Variants in XYLT1 observed in about 807,000 individuals in gnomAD.
XYLT1 encodes xylosyltransferase 1.
XYLT1 carries 36 observed loss-of-function variants against 91.3 expected under a neutral mutation model. The ratio of observed to expected loss-of-function variants is 0.39; its 90% CI spans 0.30 to 0.52. The LOEUF is 0.52. Among genes scored for constraint, XYLT1 ranks in the 20% least tolerant of loss-of-function variants. The pLI is 0.68. For missense variants in XYLT1, 1,242 were observed against 1,284.5 expected (o/e 0.97, Z 0.51); for synonymous variants, 588 against 532.0 (o/e 1.11, Z -1.45).
intron 5 of XYLT1, among the ~76,000 whole-genome samples, chr16:17,171,030 T>A (rs2031809303): frequency 6.6e-6 from 1 of 152,212 alleles, no homozygotes; most frequent in South Asian, 2.1e-4. Flanking sequence ...AATAATCTGT[T>A]GCTTGCAACT....
At chr16:17,112,900 C>T (rs1966845042) in intron 11 of XYLT1, among the ~76,000 whole-genome samples, 1 of 151,990 alleles carries the variant, frequency 6.6e-6, no homozygotes, top group Non-Finnish European at 1.5e-5. Context: ...AGTGCAATGG[C>T]ATGATCTCAG....
chr16:17,312,371 C>T lies in XYLT1; in HGVS notation c.402+45641G>A, dbSNP rs1254497267. ...GGACTCAATGAAACATCCCTGAAATCCTCATGATCATCAGGGCTGGCATTC... is the reference window on the plus strand; with the variant it reads ...GGACTCAATGAAACATCCCTGAAATTCTCATGATCATCAGGGCTGGCATTC... On this transcript the variant is annotated intron_variant, in intron 2 of 11. Transcript: ENST00000261381. The surrounding 1 kb of genome is among the most constrained non-coding windows in gnomAD (Gnocchi z 4.4). 2.6e-5 allele frequency among the ~76,000 whole-genome samples: 4 copies of T among 152,130 alleles called. No homozygotes were observed. The highest frequency in any genetic ancestry group is 5.9e-5 in the Non-Finnish European group (4 of 68,030).
At chr16:17,231,931 A>G (rs2033162315) in intron 3 of XYLT1, among the ~76,000 whole-genome samples, 1 of 151,794 alleles carries the variant, frequency 6.6e-6, no homozygotes, top group Non-Finnish European at 1.5e-5. Flanking sequence ...CTGTACACTT[A>G]GGCCACACTC....
chr16:17,354,745 G>C (rs914894950), intron 2 of XYLT1: 1 of 152,208 alleles, frequency 6.6e-6, no homozygotes, highest in Non-Finnish European at 1.5e-5. Context: ...CTGCCATCTT[G>C]TTCATGGCAT....
chr16:17,329,434 A>G (rs1336914620), intron 2 of XYLT1, among the ~76,000 whole-genome samples: 1 of 152,250 alleles, frequency 6.6e-6, no homozygotes, highest in Non-Finnish European at 1.5e-5. Flanking sequence ...CCTTATGCCA[A>G]TAGTAAATCT....
At chr16:17,231,443 C>G (rs1293112567) in intron 3 of XYLT1, among the ~76,000 whole-genome samples, 1 of 152,164 alleles carries the variant, frequency 6.6e-6, no homozygotes, top group Non-Finnish European at 1.5e-5. Context: ...GCAGCCACAT[C>G]AGTTGAGCTG....
intron 1 of XYLT1, among the ~76,000 whole-genome samples, chr16:17,430,789 T>C (rs1424464442): frequency 1.3e-5 from 2 of 152,170 alleles, no homozygotes; most frequent in Non-Finnish European, 2.9e-5. Flanking sequence ...ACCTCAGGGA[T>C]CCTCAAAACC....
At position 17,385,493 on chromosome 16, in the gene XYLT1, C is replaced by T. The variant is rs114164494; in HGVS notation, c.364-27443G>A. Reference sequence around the variant, plus strand: ...ACCTCACATAGCCCTTGGCACCCAACGAGCCCTTCCTGAAAATTTGCAAAT... The same window carrying T: ...ACCTCACATAGCCCTTGGCACCCAATGAGCCCTTCCTGAAAATTTGCAAAT... On this transcript the variant is annotated intron_variant, in intron 1 of 11. Transcript: ENST00000261381. 5.6e-3 allele frequency among the ~76,000 whole-genome samples: 857 copies of T among 151,970 alleles called. 9 individuals are homozygous for T. The highest frequency in any genetic ancestry group is 0.019 in the African/African-American group (778 of 41,550).
At chr16:17,370,672 T>C (rs2141874216) in intron 1 of XYLT1, among the ~76,000 whole-genome samples, 1 of 152,290 alleles carries the variant, frequency 6.6e-6, no homozygotes, top group South Asian at 2.1e-4. Context: ...CTACAAGCAG[T>C]ATTCAGCTCA....
chr16:17,253,802 G>A (rs1459957262), intron 3 of XYLT1, among the ~76,000 whole-genome samples: 1 of 147,576 alleles, frequency 6.8e-6, no homozygotes. Flanking sequence ...ATAATGCCCT[G>A]CCTTCTTCTC....
At chr16:17,165,614 C>T (rs939689189) in intron 5 of XYLT1, among the ~76,000 whole-genome samples, 5 of 152,128 alleles carry the variant, frequency 3.3e-5, no homozygotes, top group African/African-American at 1.2e-4. Context: ...ATTGCTTGAA[C>T]CTGGGAGGCG....
At chr16:17,357,172 C>CA (rs1168668915) in intron 2 of XYLT1, among the ~76,000 whole-genome samples, 4,013 of 41,560 alleles carry the variant, frequency 0.097, 1,349 homozygotes, top group Admixed American at 0.11. Context: ...GACTCGGTCT[C>CA]AAAAAAAAAA....
intron 2 of XYLT1, among the ~76,000 whole-genome samples, chr16:17,333,106 G>GA (rs1266423457): frequency 1.7e-4 from 25 of 151,422 alleles, no homozygotes; most frequent in African/African-American, 1.9e-4. Flanking sequence ...ATTTAAAATG[G>GA]AAAAAAAACT....
At chr16:17,425,558 C>G (rs2036306944) in intron 1 of XYLT1, among the ~76,000 whole-genome samples, 6 of 152,196 alleles carry the variant, frequency 3.9e-5, no homozygotes, top group Admixed American at 3.3e-4. Flanking sequence ...AACCAAAGCT[C>G]ACATTTAAAC....
chr16:17,452,931 C>T (rs1415794527), intron 1 of XYLT1, among the ~76,000 whole-genome samples: 2 of 152,056 alleles, frequency 1.3e-5, no homozygotes, highest in South Asian at 2.1e-4. Context: ...TCTAGTCTTA[C>T]CTTAACAAAA....
intron 6 of XYLT1, among the ~76,000 whole-genome samples, chr16:17,153,311 G>A (rs35457523): frequency 0.24 from 35,913 of 152,200 alleles, 5,196 homozygotes; most frequent in East Asian, 0.61. Flanking sequence ...CTGTGAGTGG[G>A]TATTAGAGTT....
intron 1 of XYLT1, among the ~76,000 whole-genome samples, chr16:17,433,951 T>A (rs946484802): frequency 1.3e-5 from 2 of 148,632 alleles, no homozygotes; most frequent in Non-Finnish European, 1.5e-5. Context: ...GCAAACTACA[T>A]CTTAGCTCTG....
intron 11 of XYLT1, among the ~76,000 whole-genome samples, chr16:17,114,793 TTG>T (rs773566115): frequency 7.9e-5 from 12 of 152,016 alleles, no homozygotes; most frequent in Non-Finnish European, 1.5e-4. Context: ...TTCTACGAGT[TTG>T]TGTTATGGAT....
At chr16:17,115,312 TAAAAAAAAAA>T (rs869095502) in intron 11 of XYLT1, among the ~76,000 whole-genome samples, 6 of 48,828 alleles carry the variant, frequency 1.2e-4, no homozygotes, top group Non-Finnish European at 2.2e-4. Flanking sequence ...CAAAAATAGT[TAAAAAAAAAA>T]AAAAAAAAAA....
Sources: allele counts gnomAD v4.1 joint callset (sites outside exome capture counted in the v4.1 genomes callset), GRCh38; gene constraint gnomAD v4.1.1; non-coding constraint Gnocchi (gnomAD v3.1); transcripts MANE v1.5; gene names NCBI Gene and HGNC (gene_info 2026-07-23, HGNC 2026-07-21).